Variants in GLIS3 observed in about 807,000 individuals in gnomAD.
The protein encoded by GLIS3 is zinc finger protein GLIS3.
GLIS3 carries 53 observed loss-of-function variants against 78.6 expected under a neutral mutation model. The observed-to-expected ratio is 0.67, with a 90% CI of 0.54 to 0.85. GLIS3 has a LOEUF of 0.85. GLIS3 is among the 40% of genes least tolerant of loss of function. The pLI, the probability that GLIS3 is intolerant of heterozygous loss-of-function variation, is 0.00. For missense variants in GLIS3, 1,703 were observed against 1,231.1 expected (o/e 1.38, Z -5.74); for synonymous variants, 684 against 509.9 (o/e 1.34, Z -4.60).
At chr9:4,304,554 A>G (rs919295877), upstream of GLIS3, among the ~76,000 whole-genome samples, 5 of 152,330 alleles carry the variant, frequency 3.3e-5, 1 homozygote, top group East Asian at 1.9e-4. Flanking sequence ...ATAAAAATAT[A>G]TACTAAATAA....
At chr9:4,478,696 ATTT>A in the GLIS3 span, among the ~76,000 whole-genome samples, 1 of 152,190 alleles carries the variant, frequency 6.6e-6, no homozygotes, top group African/African-American at 2.4e-5. Context: ...GAAATTAAGC[ATTT>A]ATCCTGCCTT....
chr9:4,246,174 C>G (rs1021045010), intron 2 of GLIS3, among the ~76,000 whole-genome samples: 20 of 152,196 alleles, frequency 1.3e-4, no homozygotes, highest in African/African-American at 4.8e-4. Context: ...GCCTGGACAG[C>G]ATGATGAAAC....
chr9:4,487,325 A>G, the GLIS3 span, among the ~76,000 whole-genome samples: 1 of 152,052 alleles, frequency 6.6e-6, no homozygotes, highest in African/African-American at 2.4e-5. Flanking sequence ...ATTGGTGGTG[A>G]TATTTGTTTT....
chr9:3,838,912 AAC>A (rs572338297), intron 9 of GLIS3, among the ~76,000 whole-genome samples: 4 of 152,146 alleles, frequency 2.6e-5, no homozygotes, highest in Admixed American at 6.5e-5. Context: ...AGAAAAAAAG[AAC>A]ACACAGATAA....
chr9:4,136,582 C>T (rs1317753152), intron 2 of GLIS3, among the ~76,000 whole-genome samples: 4 of 152,094 alleles, frequency 2.6e-5, no homozygotes, highest in African/African-American at 9.7e-5. Flanking sequence ...TCCCAAGGGA[C>T]TCATCTAAGA....
chr9:4,290,677 C>G (rs943331947), intron 1 of GLIS3, among the ~76,000 whole-genome samples: 1 of 152,116 alleles, frequency 6.6e-6, no homozygotes, highest in African/African-American at 2.4e-5. Context: ...GTCCCTTGTC[C>G]TAACACAGGT....
At chr9:4,079,564 T>A (rs1365347261) in intron 4 of GLIS3, among the ~76,000 whole-genome samples, 1 of 152,136 alleles carries the variant, frequency 6.6e-6, no homozygotes, top group African/African-American at 2.4e-5. Context: ...CCGCATTCTG[T>A]TCCTCTGCCT....
At chr9:3,976,745 C>T (rs957985358) in intron 4 of GLIS3, among the ~76,000 whole-genome samples, 2 of 128,016 alleles carry the variant, frequency 1.6e-5, no homozygotes, top group Non-Finnish European at 3.1e-5. Flanking sequence ...TTAGTGCCAA[C>T]ACAGTGACAA....
intron 2 of GLIS3, among the ~76,000 whole-genome samples, chr9:4,251,310 T>C (rs1431167175): frequency 6.6e-6 from 1 of 152,220 alleles, no homozygotes; most frequent in Non-Finnish European, 1.5e-5. Context: ...TGCATGTATA[T>C]TTAGGATAGT....
intron 4 of GLIS3, among the ~76,000 whole-genome samples, chr9:4,053,137 C>A (rs62521663): frequency 0.23 from 34,563 of 151,956 alleles, 4,840 homozygotes; most frequent in South Asian, 0.42. Context: ...TTGGTAGAGA[C>A]AAGATTTTGC....
chr9:3,995,674 C>T (rs492717), intron 4 of GLIS3, among the ~76,000 whole-genome samples: 13,601 of 151,968 alleles, frequency 0.089, 1,891 homozygotes, highest in African/African-American at 0.3. Flanking sequence ...AAAAGCTTCA[C>T]TTATGAATTA....
At chr9:4,410,193 T>C in the GLIS3 span, among the ~76,000 whole-genome samples, 1 of 151,462 alleles carries the variant, frequency 6.6e-6, no homozygotes, top group African/African-American at 2.4e-5. Flanking sequence ...GCCAGGCTGG[T>C]CTCAAACTGC....
chr9:4,473,149 G>T, the GLIS3 span, among the ~76,000 whole-genome samples: 1 of 152,046 alleles, frequency 6.6e-6, no homozygotes, highest in Non-Finnish European at 1.5e-5. Flanking sequence ...CCAAGACATG[G>T]AATCAACCTA....
At chr9:4,356,947 A>C in the GLIS3 span, among the ~76,000 whole-genome samples, 3 of 152,250 alleles carry the variant, frequency 2.0e-5, no homozygotes, top group East Asian at 5.8e-4. Context: ...TAAGTGTTTC[A>C]AAAGGTGGAA....
At chr9:3,892,218 A>G (rs745915200) in intron 7 of GLIS3, among the ~76,000 whole-genome samples, 2 of 152,164 alleles carry the variant, frequency 1.3e-5, no homozygotes, top group African/African-American at 2.4e-5. Context: ...CCCAGGTCAC[A>G]GCTAGAAATA....
At chr9:4,250,307 T>G (rs1824240329) in intron 2 of GLIS3, among the ~76,000 whole-genome samples, 1 of 152,228 alleles carries the variant, frequency 6.6e-6, no homozygotes, top group Non-Finnish European at 1.5e-5. Context: ...GTTATTGACC[T>G]ACTCAGGTAT....
chr9:3,965,330 A>T (rs553987284), intron 4 of GLIS3, among the ~76,000 whole-genome samples: 1 of 151,316 alleles, frequency 6.6e-6, no homozygotes, highest in East Asian at 2.0e-4. Context: ...AATAGCTGGG[A>T]CTACAGGCGC....
chr9:4,471,931 C>G, the GLIS3 span, among the ~76,000 whole-genome samples: 1 of 152,114 alleles, frequency 6.6e-6, no homozygotes, highest in East Asian at 1.9e-4. Flanking sequence ...ACAACCCCAT[C>G]AAAAAGTGGG....
intron 4 of GLIS3, among the ~76,000 whole-genome samples, chr9:4,068,887 C>T (rs1423586070): frequency 6.6e-6 from 1 of 151,548 alleles, no homozygotes; most frequent in African/African-American, 2.4e-5. Context: ...TCTTGCAATG[C>T]ACACTTGGGC....
Sources: gnomAD v4.1 joint callset for allele counts (sites outside exome capture counted in the v4.1 genomes callset) on GRCh38, gnomAD v4.1.1 for gene constraint, MANE v1.5 for transcripts, NCBI Gene and HGNC (gene_info 2026-07-23, HGNC 2026-07-21) for gene names.